Variants in FKRP observed in about 807,000 individuals in gnomAD.
FKRP encodes the protein ribitol 5-phosphate transferase FKRP.
A neutral mutation model predicts 30.6 loss-of-function variants in FKRP; 25 were observed. The ratio of observed to expected loss-of-function variants is 0.82; its 90% CI spans 0.60 to 1.14. The LOEUF is 1.14. FKRP is among the 50% of genes most tolerant of loss of function. The pLI, the probability that FKRP is intolerant of heterozygous loss-of-function variation, is 0.00. For synonymous variants in FKRP, 358 were observed against 342.5 expected (o/e 1.05, Z -0.50); for missense variants, 771 against 727.8 (o/e 1.06, Z -0.68).
chr19:46,755,302 A>G (rs1208054369), intron 3 of FKRP, 110 bp from the exon 4 acceptor site: 5 of 746,466 alleles, frequency 6.7e-6, no homozygotes, highest in South Asian at 2.0e-5. Flanking sequence ...CCAAATAGGG[A>G]AAAGAAAGGG....
intron 3 of FKRP, among the ~76,000 whole-genome samples, chr19:46,753,110 G>A (rs1445985454): frequency 3.3e-5 from 5 of 150,374 alleles, no homozygotes; most frequent in Admixed American, 6.6e-5. Flanking sequence ...TGGTTGCAGT[G>A]AGCCAGTCGC....
chr19:46,746,529 C>T (rs1438296958), intron 1 of FKRP: 7 of 693,438 alleles, frequency 1.0e-5, no homozygotes, highest in Non-Finnish European at 1.1e-5. Context: ...ACCGCGCGCG[C>T]GCCCGGCGGG....
At chr19:46,745,179 T>C (rs952474388), upstream of FKRP, among the ~76,000 whole-genome samples, 3 of 152,010 alleles carry the variant, frequency 2.0e-5, no homozygotes, top group African/African-American at 4.8e-5. Flanking sequence ...ATACTGGACA[T>C]GCCCAACACC....
chr19:46,750,362 G>A (rs1027868566), intron 3 of FKRP, among the ~76,000 whole-genome samples: 4 of 152,164 alleles, frequency 2.6e-5, no homozygotes, highest in African/African-American at 9.7e-5. Flanking sequence ...GCCAAGAGTT[G>A]TGCTGGGCCT....
chr19:46,745,391 G>A (rs1845457080), upstream of FKRP, among the ~76,000 whole-genome samples: 3 of 152,016 alleles, frequency 2.0e-5, no homozygotes, highest in Admixed American at 6.5e-5. Context: ...ACACATGCCC[G>A]GGATCCCCAA....
rs748542420 is a variant in FKRP, at chr19:46,756,458, G to T, written c.1008G>T (p.Ala336=). 1 of 1,584,746 alleles carries T rather than the reference G, an allele frequency of 6.3e-7. No homozygotes were observed. The highest frequency in any genetic ancestry group is 8.6e-7 in the Non-Finnish European group (1 of 1,165,784). ...ARYVVGVLEA[A]GVRYWLEGGS... ...ATGTGGTGGGCGTGCTGGAGGCTGCGGGCGTGCGCTACTGGCTCGAGGGCG... is the reference window on the plus strand; with the variant it reads ...ATGTGGTGGGCGTGCTGGAGGCTGCTGGCGTGCGCTACTGGCTCGAGGGCG... The change falls in exon 4 of 4, where the codon GCG becomes GCT. Residue 336 remains alanine (A), a synonymous_variant. Transcript: ENST00000318584. The surrounding 1 kb of genome is among the most constrained non-coding windows in gnomAD (Gnocchi z 6.6).
rs1252655162 is a variant in FKRP, at chr19:46,756,057, C to T, written c.607C>T (p.Arg203Cys). Reference protein sequence around the residue: ...ALDGDAVVLLRARDLFNLSAP... With the variant: ...ALDGDAVVLLCARDLFNLSAP... The stretch of plus-strand genomic sequence containing the variant: ...GGACGGAGATGCTGTGGTGCTCCTG[C>T]GCGCCCGCGACCTCTTCAACCTCTC... The change falls in exon 4 of 4, where the codon CGC becomes TGC. Residue 203 changes from arginine to cysteine, a missense_variant. Transcript: ENST00000318584. This position sits in a 1 kb window ranked among gnomAD's most constrained non-coding sequence, Gnocchi z 6.6. 5 of 1,575,446 alleles carry T rather than the reference C, an allele frequency of 3.2e-6. No homozygotes were observed. Among genetic ancestry groups the T allele is most frequent in the South Asian group, 1.1e-5 (1 of 87,898 alleles).
intron 1 of FKRP, 146 bp downstream of exon 1, chr19:46,746,236 C>T (rs2054604880): frequency 1.3e-6 from 2 of 1,522,166 alleles, no homozygotes; most frequent in African/African-American, 1.4e-5. Context: ...GGATCCCCGG[C>T]AGGCTCAGGG....
rs1391808700 is a variant in FKRP, at chr19:46,755,894, C to T, written c.444C>T (p.Leu148=). 1.3e-6 allele frequency: 2 copies of T among 1,510,824 alleles called. No homozygotes were observed. The highest frequency in any genetic ancestry group is 1.8e-6 in the Non-Finnish European group (2 of 1,134,020). The allele number at this position is 1,510,824 out of a possible 1,614,324, so 93.6% of individuals were successfully genotyped here. ...TGCTGGAGCGCATGGTGGAGGCGCT[C>T]CGCGCAGGAAGCGCACGTCTGGTGG... ...PGLLERMVEA[L]RAGSARLVAA... The change falls in exon 4 of 4, where the codon CTC becomes CTT. Residue 148 remains leucine, a synonymous_variant. Transcript: ENST00000318584.
rs2054923745 is a variant in FKRP at position 46,756,394 on chromosome 19, C to T, written c.944C>T (p.Pro315Leu). Residue 315 changes from proline (P) to leucine (L), a missense_variant, in exon 4 of 4, where the codon CCC becomes CTC. Physicochemically the swap from Pro to Leu is moderately conservative, Grantham distance 98. Coordinates refer to ENST00000318584, the MANE Select transcript of FKRP (RefSeq NM_024301.5). This position sits in a 1 kb window ranked among gnomAD's most constrained non-coding sequence, Gnocchi z 6.6. ...TACCTCTACGAGGAGCGCTGGACGC[C>T]CCCCTGCTGCCTGCGCGCGCTGCGC... ...PAYLYEERWT[P>L]PCCLRALRET... 1 of 1,568,226 alleles carries T rather than the reference C, an allele frequency of 6.4e-7. No homozygotes were observed. The highest frequency in any genetic ancestry group is 2.3e-5 in the East Asian group (1 of 42,642).
At chr19:46,750,557 G>A (rs1413925971) in intron 3 of FKRP, among the ~76,000 whole-genome samples, 3 of 152,116 alleles carry the variant, frequency 2.0e-5, no homozygotes, top group Non-Finnish European at 2.9e-5. Flanking sequence ...ACTGGGTCTC[G>A]CTCTGTCGCC....
At position 46,755,704 on chromosome 19, in the gene FKRP, C is replaced by A; in HGVS notation, c.254C>A (p.Thr85Lys). ...CAGCCCGTGGTGGTGGCAGCCGACACGCTCCCCTACCCGCCCCTGGCCCTG... is the reference window on the plus strand; with the variant it reads ...CAGCCCGTGGTGGTGGCAGCCGACAAGCTCCCCTACCCGCCCCTGGCCCTG... Reference protein sequence around the residue: ...PAQPVVVAADTLPYPPLALPR... With the variant: ...PAQPVVVAADKLPYPPLALPR... Residue 85 changes from threonine to lysine, a missense_variant, in exon 4 of 4, where the codon ACG becomes AAG. Physicochemically the swap from Thr to Lys is moderately conservative, Grantham distance 78. Transcript: ENST00000318584. The A allele has an allele frequency of 6.3e-7, 1 of 1,577,142 alleles. No individual in the cohort carries two copies. Among genetic ancestry groups the A allele is most frequent in the South Asian group, 1.1e-5 (1 of 88,362 alleles).
At chr19:46,744,835 C>T (rs886960299), upstream of FKRP, among the ~76,000 whole-genome samples, 2 of 151,990 alleles carry the variant, frequency 1.3e-5, no homozygotes, top group Admixed American at 1.3e-4. Flanking sequence ...CTTCAGACTT[C>T]CAGCGGGCCA....
rs1365712686 is a variant in FKRP at position 46,756,422 on chromosome 19, G to C, written c.972G>C (p.Glu324Asp). 23 of 1,579,676 alleles carry C rather than the reference G, an allele frequency of 1.5e-5. No homozygotes were observed. Among genetic ancestry groups the C allele is most frequent in the Non-Finnish European group, 1.9e-5 (22 of 1,163,492 alleles). ...CCTGCTGCCTGCGCGCGCTGCGCGA[G>C]ACCGCCCGCTATGTGGTGGGCGTGC... ...TPPCCLRALR[E>D]TARYVVGVLE... Residue 324 changes from glutamate to aspartate, a missense_variant, in exon 4 of 4, where the codon GAG becomes GAC. Coordinates refer to ENST00000318584, the MANE Select transcript of FKRP (RefSeq NM_024301.5). The surrounding 1 kb of genome is among the most constrained non-coding windows in gnomAD (Gnocchi z 6.6).
At position 46,756,295 on chromosome 19, in the gene FKRP, G is replaced by A; in HGVS notation, c.845G>A (p.Gly282Glu). 6.5e-7 allele frequency: 1 copy of A among 1,534,582 alleles called. No individual in the cohort carries two copies. The highest frequency in any genetic ancestry group is 8.7e-7 in the Non-Finnish European group (1 of 1,144,992). Reference protein sequence around the residue: ...LGIRLVSWEGGRLEWFGCNKE... With the variant: ...LGIRLVSWEGERLEWFGCNKE... ...ATCCGCCTAGTGAGCTGGGAAGGCG[G>A]GCGGCTGGAGTGGTTCGGCTGCAAC... Residue 282 changes from glycine (G) to glutamate (E), a missense_variant, in exon 4 of 4, where the codon GGG (glycine) becomes GAG (glutamate). Gly to Glu is a moderately conservative substitution (Grantham distance 98). Transcript: ENST00000318584. This position sits in a 1 kb window ranked among gnomAD's most constrained non-coding sequence, Gnocchi z 6.6.
At chr19:46,754,286 C>A (rs2054855455) in intron 3 of FKRP, 1 of 152,098 alleles carries the variant, frequency 6.6e-6, no homozygotes, top group South Asian at 2.1e-4. Flanking sequence ...GATCCTCCTG[C>A]CTTGGCCTCC....
Position 46,756,227 on chromosome 19 carries a change from C to T in FKRP, c.777C>T (p.Arg259=), listed in dbSNP as rs766086486. 10 of 1,449,410 alleles carry T rather than the reference C, an allele frequency of 6.9e-6. No homozygotes were observed. In the South Asian group the frequency reaches 1.1e-4, roughly 16 times the overall value. The allele number at this position is 1,449,410 out of a possible 1,614,324, so 89.8% of individuals were successfully genotyped here. ...CCCACGCGCGCTGGAAGGCTGAGCG[C>T]GAGGGACGCGCTCGGCGGGCGGCGC... ...ATAHARWKAE[R]EGRARRAALL... Residue 259 remains arginine, a synonymous_variant, in exon 4 of 4, where the codon CGC becomes CGT. Coordinates refer to ENST00000318584, the MANE Select transcript of FKRP (RefSeq NM_024301.5). This position sits in a 1 kb window ranked among gnomAD's most constrained non-coding sequence, Gnocchi z 6.6.
At chr19:46,750,942 CAG>C (rs1288563941) in intron 3 of FKRP, among the ~76,000 whole-genome samples, 3 of 152,120 alleles carry the variant, frequency 2.0e-5, no homozygotes, top group Non-Finnish European at 4.4e-5. Context: ...GGGAAGAAAA[CAG>C]ATTCCCTGCC....
chr19:46,748,925 TAG>T (rs2054729321), intron 3 of FKRP: 1 of 152,076 alleles, frequency 6.6e-6, no homozygotes. Flanking sequence ...TATTTTTTGG[TAG>T]AGAGGGGGTT....
Sources: gnomAD v4.1 joint callset for allele counts (sites outside exome capture counted in the v4.1 genomes callset) on GRCh38, gnomAD v4.1.1 for gene constraint, Gnocchi (gnomAD v3.1) non-coding constraint, MANE v1.5 for transcripts, NCBI Gene and HGNC (gene_info 2026-07-23, HGNC 2026-07-21) for gene names.